Variants in GNAS observed in about 807,000 individuals in gnomAD.
GNAS encodes protein ALEX.
A neutral mutation model predicts 54.5 loss-of-function variants in GNAS; 8 were observed. The observed-to-expected ratio is 0.15, with a 90% confidence interval of 0.09 to 0.26. GNAS has a LOEUF of 0.26. Among genes scored for constraint, GNAS ranks in the 10% least tolerant of loss-of-function variants. The pLI, the probability that GNAS is intolerant of heterozygous loss-of-function variation, is 1.00. For missense variants in GNAS, 170 were observed against 529.8 expected, an observed-to-expected ratio of 0.32 and a Z score of 6.67; for synonymous variants, 204 against 191.4, an observed-to-expected ratio of 1.07 and a Z score of -0.54.
At chr20:58,865,343 G>A (rs112963078) in intron 1 of GNAS, among the ~76,000 whole-genome samples, 16 of 151,074 alleles carry the variant, frequency 1.1e-4, no homozygotes, top group African/African-American at 3.4e-4. Context: ...GCTTGAACCC[G>A]GGAGGCAGAG....
chr20:58,855,204 C>G lies in GNAS; in HGVS notation c.43+14318C>G, dbSNP rs1258160478. On this transcript the variant is annotated intron_variant, in intron 1 of 12. Coordinates refer to the GNAS transcript ENST00000306090. ...GGTACCCCTGGCGGAGAAGCGCAGA[C>G]AGATGCGCAAAGAAGCCCTGGAGAA... 1.9e-6 allele frequency: 3 copies of G among 1,602,084 alleles called. No individual in the cohort carries two copies. The South Asian group carries it at 3.3e-5, about 18-fold the overall frequency.
Position 58,853,951 on chromosome 20 carries a change from A to G in GNAS, c.43+13065A>G. The stretch of plus-strand genomic sequence containing the variant: ...GAGGAGACTATGCCATTTGAGCTTG[A>G]TGGAGAAGGATTTGGGGACGACAGC... On this transcript the variant is annotated intron_variant, in intron 1 of 12. Coordinates refer to the GNAS transcript ENST00000306090. The surrounding 1 kb of genome is among the most constrained non-coding windows in gnomAD (Gnocchi z 4.4). 1.2e-6 allele frequency: 2 copies of G among 1,612,178 alleles called. No individual in the cohort carries two copies. Among genetic ancestry groups the G allele is most frequent in the African/African-American group, 1.3e-5 (1 of 75,048 alleles).
At chr20:58,874,040 A>T (rs1489201348) in intron 1 of GNAS, among the ~76,000 whole-genome samples, 1 of 152,246 alleles carries the variant, frequency 6.6e-6, no homozygotes, top group Non-Finnish European at 1.5e-5. Flanking sequence ...AACATTTGAC[A>T]GGCACAGCCA....
chr20:58,906,900 C>G (rs1024246206), intron 6 of GNAS, among the ~76,000 whole-genome samples: 1 of 152,192 alleles, frequency 6.6e-6, no homozygotes, highest in Admixed American at 6.5e-5. Flanking sequence ...TAATGATATT[C>G]TGAAGTAGGA....
Position 58,853,774 on chromosome 20 carries a change from C to T in GNAS, c.43+12888C>T, listed in dbSNP as rs772526528. The T allele has an allele frequency of 1.7e-5, 27 of 1,612,876 alleles. No homozygotes were observed. The highest frequency in any genetic ancestry group is 2.2e-5 in the Non-Finnish European group (26 of 1,179,432). Reference sequence around the variant, plus strand: ...ATGCCCTTTGAGTTTGACCAGCCTGCCCAGAGAGGCTGCAGTCAACTTCTC... The same window carrying T: ...ATGCCCTTTGAGTTTGACCAGCCTGTCCAGAGAGGCTGCAGTCAACTTCTC... On this transcript the variant is annotated intron_variant, in intron 1 of 12. Transcript: ENST00000306090. This position sits in a 1 kb window ranked among gnomAD's most constrained non-coding sequence, Gnocchi z 4.4.
At chr20:58,843,208 TCTC>T (rs894548497) in intron 1 of GNAS, 3 of 122,990 alleles carry the variant, frequency 2.4e-5, no homozygotes, top group Admixed American at 8.5e-5. Context: ...CCCGCTCAAT[TCTC>T]CTCCCCCGCT....
At chr20:58,851,923 G>A (rs915618287) in intron 1 of GNAS, among the ~76,000 whole-genome samples, 2 of 152,198 alleles carry the variant, frequency 1.3e-5, no homozygotes, top group Non-Finnish European at 2.9e-5. Flanking sequence ...TCCGGTTGCC[G>A]CGCGGCATGG....
chr20:58,874,334 C>T (rs1306226481), intron 1 of GNAS, among the ~76,000 whole-genome samples: 2 of 152,246 alleles, frequency 1.3e-5, no homozygotes, highest in Admixed American at 1.3e-4. Context: ...ATTGTGCACT[C>T]TCTGGAGCCA....
Position 58,903,422 on chromosome 20 carries a change from C to G in GNAS, c.258-109C>G, listed in dbSNP as rs1054727255. ...TTTGCACAGATCCGAACCCACAACT[C>G]CCTGAAGAACAGAATACTATGCTTT... On this transcript the variant is annotated intron_variant, in intron 3 of 12. Transcript: ENST00000371085. 8 of 943,058 alleles carry G rather than the reference C, an allele frequency of 8.5e-6. No homozygotes were observed. The African/African-American group carries it at 1.1e-4, about 13-fold the overall frequency. 58.4% of individuals were successfully genotyped at this position (943,058 alleles called of 1,614,324 possible).
chr20:58,899,209 C>T (rs1015275243), intron 3 of GNAS, among the ~76,000 whole-genome samples: 3 of 152,174 alleles, frequency 2.0e-5, no homozygotes, highest in African/African-American at 7.2e-5. Flanking sequence ...AGAATGAGAT[C>T]CAGCTGGGGG....
chr20:58,897,443 A>T (rs1312002414), intron 2 of GNAS: 1 of 152,248 alleles, frequency 6.6e-6, no homozygotes, highest in Non-Finnish European at 1.5e-5. Flanking sequence ...AAATATTTTG[A>T]TGAAAACTGG....
chr20:58,891,131 G>C (rs1174320548), upstream of GNAS, among the ~76,000 whole-genome samples: 1 of 148,774 alleles, frequency 6.7e-6, no homozygotes, highest in South Asian at 2.1e-4. Flanking sequence ...GAGCCCGGGG[G>C]GTGGGGGGCG....
chr20:58,874,272 G>C (rs937475995), intron 1 of GNAS, among the ~76,000 whole-genome samples: 13 of 152,218 alleles, frequency 8.5e-5, no homozygotes, highest in Non-Finnish European at 1.8e-4. Flanking sequence ...GGCTGCAGAG[G>C]CCTGGCCCAA....
chr20:58,890,293 C>G (rs912837206), upstream of GNAS, among the ~76,000 whole-genome samples: 1 of 147,816 alleles, frequency 6.8e-6, no homozygotes, highest in African/African-American at 2.5e-5. Context: ...GACGAGGGCG[C>G]CGAGGAGGGC....
chr20:58,910,156 A>C lies in GNAS; in HGVS notation c.970+75A>C, dbSNP rs1032521491. 6.8e-7 allele frequency: 1 copy of C among 1,481,296 alleles called. No individual in the cohort carries two copies. Among genetic ancestry groups the C allele is most frequent in the Non-Finnish European group, 9.4e-7 (1 of 1,059,362 alleles). The allele number at this position is 1,481,296 out of a possible 1,614,324, so 91.8% of individuals were successfully genotyped here. On this transcript the variant is annotated intron_variant, in intron 11 of 12. Coordinates refer to ENST00000371085, the MANE Select transcript of GNAS (RefSeq NM_000516.7). This position sits in a 1 kb window ranked among gnomAD's most constrained non-coding sequence, Gnocchi z 5.8. ...TCAAACGGTCAGGCTGAAAACCCCC[A>C]TCCCCCTCCCACCACCAAACCATAA...
intron 1 of GNAS, among the ~76,000 whole-genome samples, chr20:58,872,794 G>A (rs968923150): frequency 2.6e-5 from 4 of 152,178 alleles, no homozygotes; most frequent in African/African-American, 9.7e-5. Context: ...AATCACAAGA[G>A]CAGACCTTCA....
intron 3 of GNAS, among the ~76,000 whole-genome samples, chr20:58,902,312 AAAC>A (rs2090686988): frequency 6.6e-6 from 1 of 152,198 alleles, no homozygotes; most frequent in African/African-American, 2.4e-5. Flanking sequence ...TGCCCTCTAA[AAAC>A]ATAAACTCGA....
rs543667430 is a variant in GNAS at position 58,850,801 on chromosome 20, G to C, written c.43+9915G>C. 36 of 398,790 alleles carry C rather than the reference G, an allele frequency of 9.0e-5. No homozygotes were observed. In the South Asian group the frequency reaches 4.1e-3, roughly 45 times the overall value. The allele number at this position is 398,790 out of a possible 1,614,324, so 24.7% of individuals were successfully genotyped here. A position where few individuals can be genotyped will look rare whatever the true frequency, so the allele number is the denominator to read the frequency against. On this transcript the variant is annotated intron_variant, in intron 1 of 12. Transcript: ENST00000306090. ...GGAAGAGTGACCCCACGGCGCTAGC[G>C]GTCCTCGTGGTCTTCCAGGCCTAGC...
intron 1 of GNAS, among the ~76,000 whole-genome samples, chr20:58,883,851 C>T (rs1189483240): frequency 6.6e-6 from 1 of 152,178 alleles, no homozygotes; most frequent in African/African-American, 2.4e-5. Flanking sequence ...GCAGACTGTG[C>T]CCCGATGGTT....
Sources: gnomAD v4.1 joint callset for allele counts (sites outside exome capture counted in the v4.1 genomes callset) on GRCh38, gnomAD v4.1.1 for gene constraint, Gnocchi (gnomAD v3.1) non-coding constraint, MANE v1.5 for transcripts, NCBI Gene and HGNC (gene_info 2026-07-23, HGNC 2026-07-21) for gene names.